Variants in PTPN13 observed in about 807,000 individuals in gnomAD.
The protein encoded by PTPN13 is protein tyrosine phosphatase non-receptor type 13.
Under a neutral mutation model 284.0 loss-of-function variants are expected in PTPN13, and 191 were observed. That is an observed-to-expected ratio of 0.67 (90% CI 0.60 to 0.76). PTPN13 has a LOEUF of 0.76. Ranked by LOEUF, PTPN13 falls within the 30% of genes least tolerant of loss-of-function variation. The pLI is 0.00. For missense variants in PTPN13, 2,797 were observed against 2,939.9 expected (o/e 0.95, Z 1.12); for synonymous variants, 986 against 1,022.3 (o/e 0.96, Z 0.68).
At chr4:86,604,727 A>AT (rs995571100) in intron 1 of PTPN13, among the ~76,000 whole-genome samples, 1 of 151,970 alleles carries the variant, frequency 6.6e-6, no homozygotes, top group Non-Finnish European at 1.5e-5. Context: ...AAATACATTT[A>AT]TTTTTTTAAT....
intron 24 of PTPN13, among the ~76,000 whole-genome samples, chr4:86,763,942 A>T (rs1433593684): frequency 6.6e-6 from 1 of 152,126 alleles, no homozygotes; most frequent in Non-Finnish European, 1.5e-5. Flanking sequence ...TATTCCTAGA[A>T]ATGATACAAA....
chr4:86,617,351 C>T (rs976198974), intron 1 of PTPN13, among the ~76,000 whole-genome samples: 1 of 152,070 alleles, frequency 6.6e-6, no homozygotes, highest in Non-Finnish European at 1.5e-5. Context: ...GATTTTTTTA[C>T]TTTACGATGG....
chr4:86,644,908 A>T (rs569916829), intron 2 of PTPN13, among the ~76,000 whole-genome samples: 1 of 152,266 alleles, frequency 6.6e-6, no homozygotes, highest in East Asian at 1.9e-4. Flanking sequence ...TTTCAATCTT[A>T]AAAAGCTCTC....
At chr4:86,719,670 A>G (rs1288209150) in intron 9 of PTPN13, among the ~76,000 whole-genome samples, 1 of 152,068 alleles carries the variant, frequency 6.6e-6, no homozygotes, top group Non-Finnish European at 1.5e-5. Context: ...AGCCATTCTG[A>G]CTGTTGTGAG....
intron 24 of PTPN13, among the ~76,000 whole-genome samples, chr4:86,764,277 AT>A (rs1322724445): frequency 1.3e-5 from 2 of 152,176 alleles, no homozygotes; most frequent in African/African-American, 2.4e-5. Flanking sequence ...CATCTGCCAT[AT>A]CTAGCAGTTT....
chr4:86,768,298 G>T (rs12512858), intron 28 of PTPN13, among the ~76,000 whole-genome samples: 12,477 of 152,122 alleles, frequency 0.082, 652 homozygotes, highest in Non-Finnish European at 0.11. Context: ...CAAACCCATG[G>T]GAAACCTTGA....
At chr4:86,657,912 C>G (rs1726043625) in intron 2 of PTPN13, among the ~76,000 whole-genome samples, 1 of 152,094 alleles carries the variant, frequency 6.6e-6, no homozygotes, top group African/African-American at 2.4e-5. Flanking sequence ...CTGCCTGGAA[C>G]TGGGGAGGGG....
intron 35 of PTPN13, 60 bp from the exon 36 acceptor site, chr4:86,780,342 C>A (rs33998999): frequency 7.1e-7 from 1 of 1,408,758 alleles, no homozygotes; most frequent in Non-Finnish European, 9.9e-7. Context: ...TTGCTTGGGC[C>A]TGGGAGGTCA....
In PTPN13 at chr4:86,762,960, G is replaced by A. The variant is rs201351007; in HGVS notation, c.3787G>A (p.Gly1263Ser). Reference protein sequence around the residue: ...SASLSQSQVNGFFASHLGDQT... With the variant: ...SASLSQSQVNSFFASHLGDQT... ...CAGCTTGTCTCAAAGCCAGGTCAAT[G>A]GTTTCTTTGCCAGCCATTTAGGTGA... The change falls in exon 24 of 48, where the codon GGT (glycine) becomes AGT (serine). Residue 1263 changes from glycine (G) to serine (S), a missense_variant. Transcript: ENST00000411767. The A allele has an allele frequency of 4.3e-4, 698 of 1,613,802 alleles. No individual in the cohort carries two copies. The highest frequency in any genetic ancestry group is 4.5e-4 in the Non-Finnish European group (534 of 1,179,826).
intron 3 of PTPN13, among the ~76,000 whole-genome samples, chr4:86,682,501 A>G (rs1470825598): frequency 6.6e-6 from 1 of 152,084 alleles, no homozygotes; most frequent in East Asian, 1.9e-4. Flanking sequence ...TAAAAGATTT[A>G]ATAATCCTGG....
rs1578414708 is a variant in PTPN13, at chr4:86,686,702, A to G, written c.295-8A>G. ...CATAAAATTATTTCTTAAAAATTCT[A>G]TTCCTAGATCCACATTTATTCTCTT... On this transcript the variant is annotated splice_polypyrimidine_tract_variant and splice_region_variant and intron_variant, in intron 3 of 47. Coordinates refer to ENST00000411767, the MANE Select transcript of PTPN13 (RefSeq NM_080683.3). 4.6e-6 allele frequency: 7 copies of G among 1,525,608 alleles called. No individual in the cohort carries two copies. The highest frequency in any genetic ancestry group is 6.2e-6 in the Non-Finnish European group (7 of 1,124,460). The allele number at this position is 1,525,608 out of a possible 1,614,324, so 94.5% of individuals were successfully genotyped here. A position where few individuals can be genotyped will look rare whatever the true frequency, so the allele number is the denominator to read the frequency against.
intron 16 of PTPN13, among the ~76,000 whole-genome samples, chr4:86,743,332 G>A (rs1736365411): frequency 6.6e-6 from 1 of 152,108 alleles, no homozygotes; most frequent in Admixed American, 6.6e-5. Context: ...ATTATAGGTA[G>A]TGGTTCTGTA....
chr4:86,697,022 A>T (rs1461232438), intron 6 of PTPN13, among the ~76,000 whole-genome samples: 1 of 152,086 alleles, frequency 6.6e-6, no homozygotes, highest in Non-Finnish European at 1.5e-5. Flanking sequence ...TATACTAATT[A>T]TAGCCATTAC....
At chr4:86,700,257 A>G (rs1731008891) in intron 6 of PTPN13, among the ~76,000 whole-genome samples, 1 of 152,202 alleles carries the variant, frequency 6.6e-6, no homozygotes, top group Non-Finnish European at 1.5e-5. Flanking sequence ...ATTATTTTAT[A>G]TTGTATAGCA....
chr4:86,804,171 T>G (rs910351226), intron 43 of PTPN13, among the ~76,000 whole-genome samples: 3 of 151,958 alleles, frequency 2.0e-5, no homozygotes, highest in Admixed American at 1.3e-4. Context: ...CACTAAACTT[T>G]ATAATTAGTG....
chr4:86,807,502 G>C lies in PTPN13; in HGVS notation c.6746-58G>C. 4 of 1,302,606 alleles carry C rather than the reference G, an allele frequency of 3.1e-6. No homozygotes were observed. In the South Asian group the frequency reaches 5.7e-5, roughly 19 times the overall value. The allele number at this position is 1,302,606 out of a possible 1,614,324, so 80.7% of individuals were successfully genotyped here. On this transcript the variant is annotated intron_variant, in intron 44 of 47. Transcript: ENST00000411767. ...GATCTTTGACTCATGCAATTTGTAA[G>C]ACTCTTGTTTAAAATGCATGATATG...
chr4:86,814,355 C>A (rs1212149569), intron 47 of PTPN13, 101 bp from the exon 48 acceptor site: 2 of 828,138 alleles, frequency 2.4e-6, no homozygotes, highest in Admixed American at 3.1e-5. Context: ...TCCATATTTT[C>A]AAAACTCATC....
At chr4:86,734,638 T>C (rs879784233) in intron 13 of PTPN13, 99 bp from the exon 14 acceptor site, 41 of 1,385,240 alleles carry the variant, frequency 3.0e-5, no homozygotes, top group Admixed American at 4.8e-5. Flanking sequence ...ATAAGCTTAG[T>C]AATAAACTCA....
At chr4:86,798,885 A>T (rs9995978) in intron 41 of PTPN13, among the ~76,000 whole-genome samples, 15,126 of 152,224 alleles carry the variant, frequency 0.099, 863 homozygotes, top group Non-Finnish European at 0.11. Flanking sequence ...AAGTTCAAAA[A>T]CGGGATCTGT....
Sources: gnomAD v4.1 joint callset for allele counts (sites outside exome capture counted in the v4.1 genomes callset) on GRCh38, gnomAD v4.1.1 for gene constraint, MANE v1.5 for transcripts, NCBI Gene and HGNC (gene_info 2026-07-23, HGNC 2026-07-21) for gene names.